TRPC7: variants seen among roughly 807,000 people sequenced by gnomAD.
The protein encoded by TRPC7 is short transient receptor potential channel 7.
Under a neutral mutation model 90.1 loss-of-function variants are expected in TRPC7, and 42 were observed. The ratio of observed to expected loss-of-function variants is 0.47; its 90% confidence interval spans 0.36 to 0.60. The LOEUF is 0.60. Ranked by LOEUF, TRPC7 falls within the 20% of genes least tolerant of loss-of-function variation. The pLI, the probability that TRPC7 is intolerant of heterozygous loss-of-function variation, is 0.00. For synonymous variants in TRPC7, 451 were observed against 436.3 expected (o/e 1.03, Z -0.42); for missense variants, 955 against 1,112.3 (o/e 0.86, Z 2.01).
chr5:136,348,042 G>T (rs1212230455), intron 2 of TRPC7, among the ~76,000 whole-genome samples: 2 of 152,214 alleles, frequency 1.3e-5, no homozygotes, highest in African/African-American at 4.8e-5. Context: ...TCCTGGGAGG[G>T]TCTCTTCTTC....
intron 3 of TRPC7, among the ~76,000 whole-genome samples, chr5:136,286,749 G>A (rs1757732207): frequency 6.6e-6 from 1 of 152,180 alleles, no homozygotes; most frequent in Non-Finnish European, 1.5e-5. Context: ...TCAGTTTCTA[G>A]TTATCAGCAC....
intron 5 of TRPC7, among the ~76,000 whole-genome samples, chr5:136,261,892 A>C (rs1756868270): frequency 6.6e-6 from 1 of 152,160 alleles, no homozygotes; most frequent in Non-Finnish European, 1.5e-5. Context: ...CTCAAACTAG[A>C]GTCTTGGTTT....
At chr5:136,216,655 G>C (rs1156925761) in intron 10 of TRPC7, among the ~76,000 whole-genome samples, 2 of 152,236 alleles carry the variant, frequency 1.3e-5, no homozygotes, top group African/African-American at 4.8e-5. Flanking sequence ...CCTCAGTTCT[G>C]TTTTAAGGAT....
chr5:136,214,623 C>T (rs1755201755), intron 11 of TRPC7, among the ~76,000 whole-genome samples: 1 of 152,170 alleles, frequency 6.6e-6, no homozygotes, highest in Admixed American at 6.5e-5. Context: ...CTGCTTGAGG[C>T]TGGCTGGCCT....
chr5:136,264,393 G>A (rs1756956763), intron 5 of TRPC7, among the ~76,000 whole-genome samples: 1 of 152,128 alleles, frequency 6.6e-6, no homozygotes, highest in African/African-American at 2.4e-5. Flanking sequence ...AATCCAACAT[G>A]TGAGTTTTTT....
At chr5:136,238,754 G>A (rs181942749) in intron 7 of TRPC7, among the ~76,000 whole-genome samples, 49 of 152,230 alleles carry the variant, frequency 3.2e-4, no homozygotes, top group African/African-American at 1.1e-3. Context: ...AAAACTTGGT[G>A]GTTCTCAGAC....
intron 2 of TRPC7, among the ~76,000 whole-genome samples, chr5:136,346,549 C>T (rs898493450): frequency 6.6e-6 from 1 of 152,104 alleles, no homozygotes; most frequent in African/African-American, 2.4e-5. Flanking sequence ...ACAACACACA[C>T]ATGTACACAT....
intron 3 of TRPC7, among the ~76,000 whole-genome samples, chr5:136,284,147 T>A (rs1757635311): frequency 6.6e-6 from 1 of 152,204 alleles, no homozygotes; most frequent in Admixed American, 6.5e-5. Flanking sequence ...AAAGGCATGT[T>A]TTGGTCATAC....
intron 3 of TRPC7, among the ~76,000 whole-genome samples, chr5:136,312,576 G>T (rs1283432798): frequency 1.3e-5 from 2 of 152,182 alleles, no homozygotes; most frequent in African/African-American, 4.8e-5. Context: ...TCAATGACTT[G>T]CCCAAGACCA....
intron 2 of TRPC7, among the ~76,000 whole-genome samples, chr5:136,339,849 C>CAACAAA (rs1469789594): frequency 6.7e-5 from 9 of 133,522 alleles, no homozygotes; most frequent in South Asian, 4.8e-4. Context: ...GCAACAACAA[C>CAACAAA]AACAACAACA....
chr5:136,320,140 T>C (rs1013333734), intron 2 of TRPC7, among the ~76,000 whole-genome samples: 1 of 150,074 alleles, frequency 6.7e-6, no homozygotes, highest in African/African-American at 2.5e-5. Flanking sequence ...TATTCCCTAT[T>C]CTTTCAGTTG....
At chr5:136,322,562 T>G (rs1759232558) in intron 2 of TRPC7, among the ~76,000 whole-genome samples, 1 of 152,094 alleles carries the variant, frequency 6.6e-6, no homozygotes, top group Non-Finnish European at 1.5e-5. Flanking sequence ...TTTTTAGAGT[T>G]GGGTCTCACT....
chr5:136,330,552 G>A (rs185751512), intron 2 of TRPC7, among the ~76,000 whole-genome samples: 145 of 152,348 alleles, frequency 9.5e-4, no homozygotes, highest in African/African-American at 3.4e-3. Context: ...ATGCCCTGAA[G>A]GGCAGGTGTG....
intron 2 of TRPC7, among the ~76,000 whole-genome samples, chr5:136,347,545 T>C (rs1370891781): frequency 6.6e-6 from 1 of 152,234 alleles, no homozygotes; most frequent in Non-Finnish European, 1.5e-5. Context: ...GTTTTTAGAA[T>C]CTTGGAAATG....
chr5:136,266,573 A>T, intron 4 of TRPC7, 137 bp from the exon 5 acceptor site: 1 of 763,182 alleles, frequency 1.3e-6, no homozygotes, highest in East Asian at 2.7e-5. Flanking sequence ...AACCCATACA[A>T]CATTTTTTCT....
intron 7 of TRPC7, among the ~76,000 whole-genome samples, chr5:136,243,829 T>C (rs992041078): frequency 3.9e-5 from 6 of 152,180 alleles, no homozygotes; most frequent in African/African-American, 1.4e-4. Flanking sequence ...TATTCACAGC[T>C]ACACATCTCA....
chr5:136,308,307 C>T (rs1217647291), intron 3 of TRPC7, among the ~76,000 whole-genome samples: 3 of 152,128 alleles, frequency 2.0e-5, no homozygotes. Flanking sequence ...GAGGAATTCC[C>T]AAAGAGGAAG....
chr5:136,354,500 C>T (rs1008758340), intron 2 of TRPC7, among the ~76,000 whole-genome samples: 2 of 152,192 alleles, frequency 1.3e-5, no homozygotes, highest in African/African-American at 4.8e-5. Flanking sequence ...CTGTCCCTGG[C>T]TTATGGCATG....
Position 136,357,118 on chromosome 5 carries a change from G to A in TRPC7, c.270C>T (p.His90=). The A allele has an allele frequency of 6.2e-7, 1 of 1,614,102 alleles. No homozygotes were observed. Among genetic ancestry groups the A allele is most frequent in the Non-Finnish European group, 8.5e-7 (1 of 1,180,018 alleles). The change falls in exon 2 of 12, where the codon CAC becomes CAT. Residue 90 remains histidine (H), a synonymous_variant. Transcript: ENST00000513104. ...TCAGCAGCAGCTCCGTGACCTCTAGGTGCTCGTTGCCCACGGCCAGCTGCA... is the reference window on the plus strand; with the variant it reads ...TCAGCAGCAGCTCCGTGACCTCTAGATGCTCGTTGCCCACGGCCAGCTGCA... ...NALQLAVGNE[H]LEVTELLLKK...
Sources: gnomAD v4.1 joint callset for allele counts (sites outside exome capture counted in the v4.1 genomes callset) on GRCh38, gnomAD v4.1.1 for gene constraint, MANE v1.5 for transcripts, NCBI Gene and HGNC (gene_info 2026-07-23, HGNC 2026-07-21) for gene names.